The following CLASP2 variants were observed in gnomAD, a reference collection of about 807,000 sequenced individuals.
The protein encoded by CLASP2 is cytoplasmic linker associated protein 2.
A neutral mutation model predicts 194.4 loss-of-function variants in CLASP2; 47 were observed. That is an observed-to-expected ratio of 0.24 (90% CI 0.19 to 0.31). The LOEUF is 0.31. Among genes scored for constraint, CLASP2 ranks in the 10% least tolerant of loss-of-function variants. The probability of loss-of-function intolerance (pLI) is 1.00; values close to 1 mark genes in which losing one functional copy is unlikely to be tolerated. For missense variants in CLASP2, 1,445 were observed against 1,823.6 expected (o/e 0.79, Z 3.78); for synonymous variants, 619 against 633.5 (o/e 0.98, Z 0.34).
At chr3:33,519,811 A>G (rs1332060860) in intron 34 of CLASP2, among the ~76,000 whole-genome samples, 1 of 152,184 alleles carries the variant, frequency 6.6e-6, no homozygotes. Flanking sequence ...TAAATCACAC[A>G]TTAGACTATG....
intron 7 of CLASP2, among the ~76,000 whole-genome samples, chr3:33,653,163 T>G (rs879749397): frequency 6.6e-6 from 1 of 152,110 alleles, no homozygotes; most frequent in Middle Eastern, 3.2e-3. Context: ...TGCTCAATAT[T>G]AGGATCACAA....
intron 34 of CLASP2, among the ~76,000 whole-genome samples, chr3:33,533,985 G>C (rs981134336): frequency 6.6e-6 from 1 of 152,138 alleles, no homozygotes; most frequent in Non-Finnish European, 1.5e-5. Context: ...AAAGTGTTGG[G>C]ATTACAGGAG....
rs568821764 is a variant in CLASP2, at chr3:33,568,553, C to CAAAAAAAAAAAAAAA, written c.2764-1834_2764-1820dup. 1.4e-3 allele frequency among the ~76,000 whole-genome samples: 79 copies of CAAAAAAAAAAAAAAA among 56,794 alleles called. 1 individual carries two copies. The highest frequency in any genetic ancestry group is 1.5e-3 in the Non-Finnish European group (49 of 32,186). The allele number at this position is 56,794 out of a possible 152,430, so 37.3% of individuals were successfully genotyped here. A position where few individuals can be genotyped will look rare whatever the true frequency, so the allele number is the denominator to read the frequency against. ...TGGGTGACAGAAAGAGATCTTGTCT[C>CAAAAAAAAAAAAAAA]AAAAAAAAAAAAAAAAAAAAAATTA... On this transcript the variant is annotated intron_variant, in intron 26 of 38. Transcript: ENST00000682230.
chr3:33,534,517 T>C (rs562187931), intron 34 of CLASP2, among the ~76,000 whole-genome samples: 4 of 152,292 alleles, frequency 2.6e-5, no homozygotes, highest in African/African-American at 7.2e-5. Flanking sequence ...CAGTGAGCTA[T>C]GTTTGAGCGA....
intron 36 of CLASP2, among the ~76,000 whole-genome samples, chr3:33,512,557 T>TAAAAAAAAAAA (rs71070140): frequency 3.2e-4 from 4 of 12,478 alleles, no homozygotes; most frequent in Non-Finnish European, 4.3e-4. Flanking sequence ...TAGAGTATAA[T>TAAAAAAAAAAA]AAAAAAAAAA....
At chr3:33,505,299 C>T (rs2047874306) in intron 37 of CLASP2, 1 of 152,124 alleles carries the variant, frequency 6.6e-6, no homozygotes, top group South Asian at 2.1e-4. Context: ...AGAACAAGGT[C>T]CATGTCCCTC....
chr3:33,553,678 G>A (rs2060425830), intron 29 of CLASP2, among the ~76,000 whole-genome samples: 1 of 152,190 alleles, frequency 6.6e-6, no homozygotes, highest in Non-Finnish European at 1.5e-5. Context: ...CTGTTAGAAT[G>A]ACTGTTATCA....
intron 23 of CLASP2, among the ~76,000 whole-genome samples, chr3:33,581,009 C>A (rs2065955074): frequency 3.3e-5 from 4 of 120,786 alleles, no homozygotes; most frequent in Non-Finnish European, 1.7e-5. Flanking sequence ...GAGCGAGACT[C>A]CGTCTCAAAA....
At chr3:33,717,305 G>A (rs1347004174) in intron 1 of CLASP2, among the ~76,000 whole-genome samples, 1 of 152,082 alleles carries the variant, frequency 6.6e-6, no homozygotes, top group Non-Finnish European at 1.5e-5. Flanking sequence ...TCACGGAATC[G>A]CTGAATTTGT....
intron 21 of CLASP2, among the ~76,000 whole-genome samples, chr3:33,588,168 ACTC>A (rs1305391016): frequency 3.9e-5 from 6 of 152,008 alleles, no homozygotes; most frequent in Admixed American, 1.3e-4. Context: ...CCTCTGCAAT[ACTC>A]CTGATTCCCA....
chr3:33,505,401 T>C (rs2047901251), intron 37 of CLASP2: 1 of 152,166 alleles, frequency 6.6e-6, no homozygotes, highest in Non-Finnish European at 1.5e-5. Flanking sequence ...AGTTTCTTAC[T>C]GAAAATAAAA....
intron 17 of CLASP2, 110 bp from the exon 18 acceptor site, chr3:33,603,235 A>C (rs2072781801): frequency 1.7e-6 from 2 of 1,186,858 alleles, no homozygotes; most frequent in African/African-American, 3.1e-5. Flanking sequence ...GTCAACAAAA[A>C]GGCTGTGGCC....
At position 33,657,929 on chromosome 3, in the gene CLASP2, C is replaced by T. The variant is rs1026700849; in HGVS notation, c.715+5516G>A. On this transcript the variant is annotated intron_variant, in intron 7 of 38. Coordinates refer to ENST00000682230, the MANE Select transcript of CLASP2 (RefSeq NM_001365631.1). ...ATACATAGTCAAAGGAAGGCTGAAA[C>T]TGTTAAGAGTTAAAACCTCCATATA... 9.2e-5 allele frequency among the ~76,000 whole-genome samples: 14 copies of T among 152,210 alleles called. No individual in the cohort carries two copies. In the Middle Eastern group the frequency reaches 0.014, roughly 148 times the overall value.
chr3:33,695,220 A>ATTTTTT (rs762657276), intron 2 of CLASP2, among the ~76,000 whole-genome samples: 23,715 of 102,408 alleles, frequency 0.23, 3,087 homozygotes, highest in Non-Finnish European at 0.27. Context: ...AAGCCTGCTA[A>ATTTTTT]TTTTTTTTTT....
chr3:33,713,012 C>CAAAAAAAAAAAAAAAAAAAAAAAAAAAAA (rs57940200), intron 1 of CLASP2, among the ~76,000 whole-genome samples: 15 of 47,006 alleles, frequency 3.2e-4, no homozygotes, highest in Middle Eastern at 0.015. Flanking sequence ...AACTCCACCT[C>CAAAAAAAAAAAAAAAAAAAAAAAAAAAAA]AAAAAAAAAA....
intron 1 of CLASP2, among the ~76,000 whole-genome samples, chr3:33,715,132 T>A (rs2093230562): frequency 6.6e-6 from 1 of 152,226 alleles, no homozygotes; most frequent in Non-Finnish European, 1.5e-5. Context: ...TCTTGACTCT[T>A]ATGTTTCTTC....
At chr3:33,654,208 C>A (rs188649515) in intron 7 of CLASP2, among the ~76,000 whole-genome samples, 1 of 152,158 alleles carries the variant, frequency 6.6e-6, no homozygotes, top group South Asian at 2.1e-4. Context: ...CAAGGAGCAA[C>A]TGAAAATCTA....
chr3:33,600,953 CTTTTT>C (rs1205156622), intron 18 of CLASP2, among the ~76,000 whole-genome samples: 5 of 105,782 alleles, frequency 4.7e-5, no homozygotes, highest in African/African-American at 1.8e-4. Context: ...CTTGATAAGG[CTTTTT>C]TTTTTTTTTT....
chr3:33,559,471 C>T (rs2061456577), intron 28 of CLASP2, 86 bp from the exon 29 acceptor site: 3 of 729,068 alleles, frequency 4.1e-6, no homozygotes, highest in South Asian at 3.3e-5. Context: ...AATACCAAAA[C>T]ATAATGTCAT....
Sources: gnomAD v4.1 joint callset for allele counts (sites outside exome capture counted in the v4.1 genomes callset) on GRCh38, gnomAD v4.1.1 for gene constraint, MANE v1.5 for transcripts, NCBI Gene and HGNC (gene_info 2026-07-23, HGNC 2026-07-21) for gene names.